The following TCERG1L variants were observed in gnomAD, a reference collection of about 807,000 sequenced individuals.
TCERG1L encodes transcription elongation regulator 1-like protein.
Under a neutral mutation model 56.3 loss-of-function variants are expected in TCERG1L, and 37 were observed. That is an observed-to-expected ratio of 0.66 (90% CI 0.51 to 0.87). The LOEUF (loss-of-function observed/expected upper bound fraction) is 0.87. Ranked by LOEUF, TCERG1L falls within the 40% of genes least tolerant of loss-of-function variation. The pLI, the probability that TCERG1L is intolerant of heterozygous loss-of-function variation, is 0.00. For synonymous variants in TCERG1L, 324 were observed against 326.3 expected (o/e 0.99, Z 0.08); for missense variants, 799 against 774.2 (o/e 1.03, Z -0.38).
In TCERG1L at chr10:131,250,068, G is replaced by A. The variant is rs118092903; in HGVS notation, c.856+10191C>T. Among the ~76,000 whole-genome samples, 9 of 152,342 alleles carry A rather than the reference G, an allele frequency of 5.9e-5. No individual in the cohort carries two copies. The East Asian group carries it at 1.7e-3, about 29-fold the overall frequency. On this transcript the variant is annotated intron_variant, in intron 4 of 11. Coordinates refer to ENST00000368642, the MANE Select transcript of TCERG1L (RefSeq NM_174937.4). Reference sequence around the variant, plus strand: ...CACGATTTGAGTCACGGGGCACCAAGGAGGTATCACAGACCAGGCAGGAGC... The same window carrying A: ...CACGATTTGAGTCACGGGGCACCAAAGAGGTATCACAGACCAGGCAGGAGC...
chr10:131,127,458 C>T (rs1241976742), intron 8 of TCERG1L, among the ~76,000 whole-genome samples: 2 of 152,230 alleles, frequency 1.3e-5, no homozygotes, highest in East Asian at 1.9e-4. Flanking sequence ...TGAGCAGAAG[C>T]CTTCTGGGGT....
At chr10:131,231,390 G>T (rs543383947) in intron 4 of TCERG1L, among the ~76,000 whole-genome samples, 2 of 152,236 alleles carry the variant, frequency 1.3e-5, no homozygotes, top group Admixed American at 1.3e-4. Flanking sequence ...CACCCTTACC[G>T]GCCCCTCCAG....
At chr10:131,166,005 CAT>C (rs1458133937) in intron 5 of TCERG1L, among the ~76,000 whole-genome samples, 1 of 152,174 alleles carries the variant, frequency 6.6e-6, no homozygotes, top group East Asian at 1.9e-4. Flanking sequence ...TTGGGAAAAT[CAT>C]ATCTCAGGGG....
intron 10 of TCERG1L, among the ~76,000 whole-genome samples, chr10:131,099,411 C>G (rs1378602311): frequency 6.6e-6 from 1 of 152,218 alleles, no homozygotes; most frequent in Non-Finnish European, 1.5e-5. Context: ...ACCCCAAACT[C>G]AAGAACGTTA....
At chr10:131,170,449 G>A (rs983891804) in intron 4 of TCERG1L, among the ~76,000 whole-genome samples, 3 of 151,996 alleles carry the variant, frequency 2.0e-5, no homozygotes, top group African/African-American at 4.8e-5. Flanking sequence ...CTCCGAGAGA[G>A]GCACGGCGGT....
At chr10:131,283,736 T>C (rs1407302600) in intron 3 of TCERG1L, among the ~76,000 whole-genome samples, 2 of 152,186 alleles carry the variant, frequency 1.3e-5, no homozygotes, top group East Asian at 1.9e-4. Flanking sequence ...TCATAGAAAG[T>C]TGAAACAGCA....
In TCERG1L at chr10:131,267,355, G is replaced by A. The variant is rs1384537002; in HGVS notation, c.671-6911C>T. 6.6e-6 allele frequency among the ~76,000 whole-genome samples: 1 copy of A among 152,220 alleles called. No individual in the cohort carries two copies. The highest frequency in any genetic ancestry group is 1.5e-5 in the Non-Finnish European group (1 of 68,040). ...AAGCACTGGAAGCAGGGAGAGGCCA[G>A]GCAGCAGGAGCAGATACCCCCAAGC... is the stretch of plus-strand genomic sequence containing the variant. On this transcript the variant is annotated intron_variant, in intron 3 of 11. Coordinates refer to ENST00000368642, the MANE Select transcript of TCERG1L (RefSeq NM_174937.4). The surrounding 1 kb of genome is among the most constrained non-coding windows in gnomAD (Gnocchi z 4.9).
intron 4 of TCERG1L, among the ~76,000 whole-genome samples, chr10:131,229,280 C>T (rs917538626): frequency 7.9e-5 from 12 of 152,252 alleles, no homozygotes; most frequent in African/African-American, 2.9e-4. Flanking sequence ...TCCTCCGCAT[C>T]GAACTGTCCA....
chr10:131,178,368 C>T (rs536892106), intron 4 of TCERG1L, among the ~76,000 whole-genome samples: 2 of 152,312 alleles, frequency 1.3e-5, no homozygotes, highest in African/African-American at 4.8e-5. Context: ...TCTCTTGTTC[C>T]TCTCAGCTGA....
In TCERG1L at chr10:131,293,127, A is replaced by G. The variant is rs147001702; in HGVS notation, c.670+15084T>C. On this transcript the variant is annotated intron_variant, in intron 3 of 11. Transcript: ENST00000368642. ...CGGCCTCCCAAAGCGCTGGGATTAA[A>G]GGCATGAGCCACTATGCCCGGTCTT... Among the ~76,000 whole-genome samples the G allele has an allele frequency of 1.7e-3, 262 of 152,298 alleles. 1 individual carries two copies. The highest frequency in any genetic ancestry group is 2.6e-3 in the Non-Finnish European group (179 of 68,032).
At chr10:131,119,381 C>T (rs1408860531) in intron 8 of TCERG1L, among the ~76,000 whole-genome samples, 1 of 152,214 alleles carries the variant, frequency 6.6e-6, no homozygotes, top group African/African-American at 2.4e-5. Flanking sequence ...TTTACATTCT[C>T]TGCTTCTTAT....
At chr10:131,208,828 C>A (rs1353374501) in intron 4 of TCERG1L, among the ~76,000 whole-genome samples, 2 of 152,106 alleles carry the variant, frequency 1.3e-5, no homozygotes, top group African/African-American at 4.8e-5. Context: ...GAGACCGAGG[C>A]GGACGGATCA....
chr10:131,251,371 G>A (rs937036054), intron 4 of TCERG1L, among the ~76,000 whole-genome samples: 5 of 149,264 alleles, frequency 3.3e-5, no homozygotes, highest in South Asian at 2.1e-4. Flanking sequence ...CCTTCATTGC[G>A]AATCCTTGCA....
At chr10:131,126,181 C>T (rs1196011060) in intron 8 of TCERG1L, among the ~76,000 whole-genome samples, 1 of 152,212 alleles carries the variant, frequency 6.6e-6, no homozygotes, top group Non-Finnish European at 1.5e-5. Context: ...CCAGACAGGC[C>T]CTACCGTGGC....
rs779818803 is a variant in TCERG1L at position 131,166,768 on chromosome 10, T to C, written c.945+29A>G. ...CCTCCACACCCAGGGTTTTGTGTCT[T>C]TAACACACACACGAGCCCCGAAACT... On this transcript the variant is annotated intron_variant, in intron 5 of 11. Transcript: ENST00000368642. 14 of 1,609,282 alleles carry C rather than the reference T, an allele frequency of 8.7e-6. No homozygotes were observed. The South Asian group carries it at 1.5e-4, about 18-fold the overall frequency.
intron 8 of TCERG1L, among the ~76,000 whole-genome samples, chr10:131,123,734 G>A (rs1386853514): frequency 6.6e-6 from 1 of 151,636 alleles, no homozygotes; most frequent in African/African-American, 2.4e-5. Flanking sequence ...GGAGTGCAGA[G>A]ACAACTCTGG....
chr10:131,097,508 C>T (rs775503427), intron 11 of TCERG1L, among the ~76,000 whole-genome samples: 4 of 152,034 alleles, frequency 2.6e-5, no homozygotes, highest in East Asian at 3.9e-4. Context: ...CCACCACGCC[C>T]GGCTAATTTT....
At chr10:131,120,728 T>G (rs1845504210) in intron 8 of TCERG1L, among the ~76,000 whole-genome samples, 1 of 152,212 alleles carries the variant, frequency 6.6e-6, no homozygotes, top group African/African-American at 2.4e-5. Flanking sequence ...CACTGATGCC[T>G]TCAGCCCCAG....
intron 4 of TCERG1L, among the ~76,000 whole-genome samples, chr10:131,247,150 T>C (rs1846049047): frequency 6.6e-6 from 1 of 152,118 alleles, no homozygotes; most frequent in Non-Finnish European, 1.5e-5. Context: ...ATTACACACA[T>C]AGGCACACAT....
Sources: allele counts gnomAD v4.1 joint callset (sites outside exome capture counted in the v4.1 genomes callset), GRCh38; gene constraint gnomAD v4.1.1; non-coding constraint Gnocchi (gnomAD v3.1); transcripts MANE v1.5; gene names NCBI Gene and HGNC (gene_info 2026-07-23, HGNC 2026-07-21).